The following SNX25 variants were observed in gnomAD, a reference collection of about 807,000 sequenced individuals.
SNX25 encodes the protein sorting nexin-25.
In SNX25, 62 loss-of-function variants were observed where a neutral mutation model predicts 113.7. The ratio of observed to expected loss-of-function variants is 0.55; its 90% CI spans 0.44 to 0.67. The LOEUF (loss-of-function observed/expected upper bound fraction) is 0.67. Among genes scored for constraint, SNX25 ranks in the 30% least tolerant of loss-of-function variants. SNX25 has a pLI of 0.00. For synonymous variants in SNX25, 421 were observed against 436.2 expected (o/e 0.97, Z 0.43); for missense variants, 1,014 against 1,161.0 (o/e 0.87, Z 1.84).
intron 2 of SNX25, among the ~76,000 whole-genome samples, chr4:185,257,293 G>A (rs560342122): frequency 8.6e-5 from 13 of 152,020 alleles, no homozygotes; most frequent in African/African-American, 2.9e-4. Context: ...GGCCCTGTGG[G>A]GAGTCACCAC....
intron 6 of SNX25, among the ~76,000 whole-genome samples, chr4:185,309,413 A>T (rs1198651816): frequency 6.6e-6 from 1 of 152,212 alleles, no homozygotes; most frequent in Non-Finnish European, 1.5e-5. Flanking sequence ...GGACATCGTA[A>T]AAAGAGCATG....
intron 5 of SNX25, among the ~76,000 whole-genome samples, chr4:185,279,285 T>C (rs941427950): frequency 2.6e-5 from 4 of 152,128 alleles, no homozygotes; most frequent in African/African-American, 9.7e-5. Context: ...GTGTTGTAGG[T>C]ACGTGGAGAT....
intron 13 of SNX25, among the ~76,000 whole-genome samples, chr4:185,349,117 A>G (rs2095302956): frequency 6.6e-6 from 1 of 152,182 alleles, no homozygotes; most frequent in African/African-American, 2.4e-5. Flanking sequence ...CCACAATGGA[A>G]GAAGAAGGAT....
intron 6 of SNX25, among the ~76,000 whole-genome samples, chr4:185,303,498 A>G (rs1268511765): frequency 6.6e-6 from 1 of 151,964 alleles, no homozygotes; most frequent in Non-Finnish European, 1.5e-5. Flanking sequence ...TCTCTACTAA[A>G]AATACAAAAA....
chr4:185,239,413 G>A (rs1033479457), intron 1 of SNX25, among the ~76,000 whole-genome samples: 48 of 152,280 alleles, frequency 3.2e-4, no homozygotes, highest in African/African-American at 8.7e-4. Flanking sequence ...AACCCAGGAC[G>A]CGGAGCTTGC....
intron 9 of SNX25, among the ~76,000 whole-genome samples, chr4:185,326,571 C>T (rs935821491): frequency 1.3e-5 from 2 of 152,124 alleles, no homozygotes; most frequent in East Asian, 3.8e-4. Flanking sequence ...CTACTGATAA[C>T]ATACATTAAG....
intron 1 of SNX25, among the ~76,000 whole-genome samples, chr4:185,225,808 G>T (rs1298138973): frequency 6.6e-6 from 1 of 152,136 alleles, no homozygotes; most frequent in African/African-American, 2.4e-5. Flanking sequence ...GTTTAGTGAG[G>T]TTAAACCATG....
chr4:185,258,890 G>A lies in SNX25; in HGVS notation c.557G>A (p.Gly186Glu). The A allele has an allele frequency of 1.2e-6, 2 of 1,614,026 alleles. No homozygotes were observed. Among genetic ancestry groups the A allele is most frequent in the Non-Finnish European group, 1.7e-6 (2 of 1,179,958 alleles). ...AGAGATTACATTCTGTCCTGGTATG[G>A]AAACCTCAGCAGAGATGAGGGACAA... ...SYRDYILSWYGNLSRDEGQLY... is the reference protein window; with the variant it reads ...SYRDYILSWYENLSRDEGQLY... The change falls in exon 3 of 19, where the codon GGA (glycine) becomes GAA (glutamate). Residue 186 changes from glycine (G) to glutamate (E), a missense_variant. Transcript: ENST00000652585.
chr4:185,373,495 G>C (rs536292268), downstream of SNX25, among the ~76,000 whole-genome samples: 1 of 152,198 alleles, frequency 6.6e-6, no homozygotes, highest in Non-Finnish European at 1.5e-5. Flanking sequence ...CAGCTGCTGC[G>C]ATCAAAGACA....
At chr4:185,208,777 T>A (rs949071564), upstream of SNX25, among the ~76,000 whole-genome samples, 2 of 152,066 alleles carry the variant, frequency 1.3e-5, no homozygotes, top group Non-Finnish European at 2.9e-5. Flanking sequence ...TGAATACCAA[T>A]TGATACTAAA....
chr4:185,218,964 C>A (rs1451785158), intron 1 of SNX25, among the ~76,000 whole-genome samples: 1 of 152,136 alleles, frequency 6.6e-6, no homozygotes, highest in Non-Finnish European at 1.5e-5. Context: ...CTTGCTCTGC[C>A]ACCCCATCAG....
chr4:185,242,191 T>C (rs570718264), intron 1 of SNX25, among the ~76,000 whole-genome samples: 262 of 152,298 alleles, frequency 1.7e-3, no homozygotes, highest in African/African-American at 5.5e-3. Context: ...TTTCCTCTAC[T>C]TTCATACCAC....
intron 11 of SNX25, among the ~76,000 whole-genome samples, 157 bp downstream of exon 11, chr4:185,339,667 G>A (rs1309061463): frequency 2.0e-5 from 3 of 152,056 alleles, no homozygotes; most frequent in Non-Finnish European, 4.4e-5. Flanking sequence ...TTTCACTCCG[G>A]TTCACTCATG....
Position 185,277,585 on chromosome 4 carries a change from A to G in SNX25, c.1092-10427A>G, listed in dbSNP as rs530367727. On this transcript the variant is annotated intron_variant, in intron 5 of 18. Coordinates refer to ENST00000652585, the MANE Select transcript of SNX25 (RefSeq NM_001378034.2). ...ACGTGGACTTGGGGAGAGATTTGCA[A>G]TAGCACACCATTACAGTATATAGAG... 7.2e-5 allele frequency among the ~76,000 whole-genome samples: 11 copies of G among 152,318 alleles called. No homozygotes were observed. The East Asian group carries it at 1.7e-3, about 24-fold the overall frequency.
At chr4:185,297,502 T>G (rs1295674325) in intron 6 of SNX25, among the ~76,000 whole-genome samples, 1 of 152,224 alleles carries the variant, frequency 6.6e-6, no homozygotes, top group African/African-American at 2.4e-5. Context: ...AAGTCTCACA[T>G]AGCTGGGCAT....
At chr4:185,359,990 G>C (rs2095354716) in intron 16 of SNX25, among the ~76,000 whole-genome samples, 1 of 152,198 alleles carries the variant, frequency 6.6e-6, no homozygotes, top group Non-Finnish European at 1.5e-5. Context: ...ACTCATGACA[G>C]AATTCAGCAG....
At chr4:185,319,235 T>C (rs1170638419) in intron 7 of SNX25, among the ~76,000 whole-genome samples, 1 of 145,026 alleles carries the variant, frequency 6.9e-6, no homozygotes, top group Non-Finnish European at 1.5e-5. Context: ...TTCCCTCTTG[T>C]TGCCCAGGCT....
At chr4:185,287,819 G>T (rs1364966376) in intron 5 of SNX25, among the ~76,000 whole-genome samples, 193 bp from the exon 6 acceptor site, 1 of 121,936 alleles carries the variant, frequency 8.2e-6, no homozygotes, top group Non-Finnish European at 1.8e-5. Flanking sequence ...GAGGGCCTCA[G>T]AATGACTAGC....
At chr4:185,238,856 A>G (rs1743051554) in intron 1 of SNX25, among the ~76,000 whole-genome samples, 2 of 152,214 alleles carry the variant, frequency 1.3e-5, no homozygotes, top group Admixed American at 1.3e-4. Flanking sequence ...AGGCATGAAG[A>G]AAATTGCACG....
Sources: gnomAD v4.1 joint callset for allele counts (sites outside exome capture counted in the v4.1 genomes callset) on GRCh38, gnomAD v4.1.1 for gene constraint, MANE v1.5 for transcripts, NCBI Gene and HGNC (gene_info 2026-07-23, HGNC 2026-07-21) for gene names.